The following SEMA3D variants were observed in gnomAD, a reference collection of about 807,000 sequenced individuals.
SEMA3D encodes semaphorin-3D.
SEMA3D carries 84 observed loss-of-function variants against 100.1 expected under a neutral mutation model. The ratio of observed to expected loss-of-function variants is 0.84; its 90% CI spans 0.70 to 1.01. The LOEUF (loss-of-function observed/expected upper bound fraction) is 1.01. Ranked by LOEUF, SEMA3D falls within the 50% of genes least tolerant of loss-of-function variation. The probability of loss-of-function intolerance (pLI) is 0.00; values close to 1 mark genes in which losing one functional copy is unlikely to be tolerated. For synonymous variants in SEMA3D, 312 were observed against 320.7 expected (o/e 0.97, Z 0.29); for missense variants, 875 against 934.1 (o/e 0.94, Z 0.82).
the SEMA3D span, among the ~76,000 whole-genome samples, chr7:85,209,446 C>T: frequency 5.9e-5 from 9 of 152,040 alleles, no homozygotes; most frequent in South Asian, 2.1e-4. Flanking sequence ...GAAAAGGCCT[C>T]TGAAGGGATG....
the SEMA3D span, among the ~76,000 whole-genome samples, chr7:85,244,581 GAGGTATGTGTCAGT>G: frequency 6.6e-6 from 1 of 152,154 alleles, no homozygotes; most frequent in African/African-American, 2.4e-5. Context: ...GATAGTCCAG[GAGGTATGTGTCAGT>G]CTAAAGTAGG....
intron 5 of SEMA3D, among the ~76,000 whole-genome samples, chr7:85,073,822 T>C (rs1397493467): frequency 1.3e-5 from 2 of 152,194 alleles, no homozygotes; most frequent in African/African-American, 2.4e-5. Context: ...CTCTGTTTTT[T>C]CTCATGGACT....
intron 6 of SEMA3D, among the ~76,000 whole-genome samples, chr7:85,068,498 A>G (rs913492181): frequency 6.6e-6 from 1 of 152,110 alleles, no homozygotes; most frequent in Admixed American, 6.5e-5. Flanking sequence ...AAGTGGCAAT[A>G]TAATACTGAG....
intron 3 of SEMA3D, among the ~76,000 whole-genome samples, chr7:85,120,296 A>G (rs905469723): frequency 3.3e-5 from 5 of 152,176 alleles, no homozygotes; most frequent in African/African-American, 9.7e-5. Context: ...ACTTGAAACT[A>G]AGATAATTTT....
chr7:84,996,151 T>C lies in SEMA3D; in HGVS notation c.*3289A>G, dbSNP rs1179210169. 2 of 152,036 alleles carry C rather than the reference T, an allele frequency of 1.3e-5. No homozygotes were observed. The highest frequency in any genetic ancestry group is 2.9e-5 in the Non-Finnish European group (2 of 67,868). The allele number at this position is 152,036 out of a possible 1,614,324, so 9.4% of individuals were successfully genotyped here. A position where few individuals can be genotyped will look rare whatever the true frequency, so the allele number is the denominator to read the frequency against. On this transcript the variant is annotated 3_prime_UTR_variant, in exon 19 of 19. Coordinates refer to ENST00000284136, the MANE Select transcript of SEMA3D (RefSeq NM_001384900.1). ...ACATTTAAGTTTAAGAAAATCAGTA[T>C]TTAATGAATGCTCTTATTATTTTTT...
intron 1 of SEMA3D, among the ~76,000 whole-genome samples, chr7:85,179,514 G>A (rs1333031450): frequency 6.6e-6 from 1 of 152,068 alleles, no homozygotes; most frequent in Non-Finnish European, 1.5e-5. Flanking sequence ...TAGCTTCTTC[G>A]TTTTGGCCAA....
chr7:85,141,701 A>G, intron 2 of SEMA3D: 1 of 953,422 alleles, frequency 1.0e-6, no homozygotes, highest in Non-Finnish European at 1.2e-6. Context: ...TACCTAAATT[A>G]ATGTTTATTT....
At chr7:85,214,591 G>A in the SEMA3D span, among the ~76,000 whole-genome samples, 5 of 151,950 alleles carry the variant, frequency 3.3e-5, no homozygotes, top group African/African-American at 4.8e-5. Context: ...CTACCTCCCG[G>A]GTTCAAGCAA....
intron 8 of SEMA3D, among the ~76,000 whole-genome samples, chr7:85,058,136 T>G (rs1452446629): frequency 1.3e-5 from 2 of 152,130 alleles, no homozygotes; most frequent in African/African-American, 4.8e-5. Context: ...TCCTGTTTTC[T>G]TTTGTTTGTT....
intron 2 of SEMA3D, among the ~76,000 whole-genome samples, chr7:85,130,209 A>G (rs539024534): frequency 2.0e-5 from 3 of 152,248 alleles, no homozygotes; most frequent in Non-Finnish European, 1.5e-5. Context: ...ATTTCATGGT[A>G]TTTGACCAAA....
intron 2 of SEMA3D, among the ~76,000 whole-genome samples, chr7:85,124,902 A>G (rs1334850251): frequency 6.6e-6 from 1 of 152,120 alleles, no homozygotes; most frequent in African/African-American, 2.4e-5. Context: ...GCCTTTTGGT[A>G]TTGATCAAGT....
chr7:85,235,795 T>A, the SEMA3D span, among the ~76,000 whole-genome samples: 1 of 152,144 alleles, frequency 6.6e-6, no homozygotes, highest in South Asian at 2.1e-4. Context: ...GTTTTCTCCA[T>A]AAGTAGGAAG....
chr7:85,157,780 T>C (rs1359885857), intron 1 of SEMA3D: 4 of 211,816 alleles, frequency 1.9e-5, no homozygotes, highest in African/African-American at 9.4e-5. Context: ...CCAAAGCACA[T>C]GGATTAGTAT....
chr7:85,104,319 CAT>C (rs1562819740), intron 3 of SEMA3D, among the ~76,000 whole-genome samples: 1 of 152,030 alleles, frequency 6.6e-6, no homozygotes, highest in Admixed American at 6.6e-5. Flanking sequence ...AACCATATAA[CAT>C]AGTAGACCAT....
chr7:85,036,268 GT>G (rs1457234592), intron 12 of SEMA3D, among the ~76,000 whole-genome samples: 1 of 151,954 alleles, frequency 6.6e-6, no homozygotes, highest in African/African-American at 2.4e-5. Flanking sequence ...AACTGCAGTT[GT>G]TTTTTGTTTT....
intron 8 of SEMA3D, among the ~76,000 whole-genome samples, chr7:85,061,369 T>C (rs1044494290): frequency 6.6e-6 from 1 of 152,162 alleles, no homozygotes; most frequent in Non-Finnish European, 1.5e-5. Context: ...CTCTGGTTAA[T>C]GCCAAGTGGG....
At chr7:85,127,705 C>T (rs1219062532) in intron 2 of SEMA3D, among the ~76,000 whole-genome samples, 1 of 152,094 alleles carries the variant, frequency 6.6e-6, no homozygotes, top group African/African-American at 2.4e-5. Flanking sequence ...AATCTCAAAT[C>T]AATTTGCTCT....
intron 1 of SEMA3D, among the ~76,000 whole-genome samples, chr7:85,171,874 C>T (rs1791092173): frequency 6.6e-6 from 1 of 151,530 alleles, no homozygotes. Context: ...AAATTGTTTC[C>T]TTCTCTTGAT....
chr7:85,195,513 C>T, the SEMA3D span, among the ~76,000 whole-genome samples: 1 of 152,052 alleles, frequency 6.6e-6, no homozygotes, highest in Admixed American at 6.6e-5. Flanking sequence ...AGTGCAGTGT[C>T]ATGGTCACAG....
Sources: gnomAD v4.1 joint callset for allele counts (sites outside exome capture counted in the v4.1 genomes callset) on GRCh38, gnomAD v4.1.1 for gene constraint, MANE v1.5 for transcripts, NCBI Gene and HGNC (gene_info 2026-07-23, HGNC 2026-07-21) for gene names.